Variants in OPN5 observed in about 807,000 individuals in gnomAD.
OPN5 encodes the protein opsin-5.
A neutral mutation model predicts 41.7 loss-of-function variants in OPN5; 18 were observed. The ratio of observed to expected loss-of-function variants is 0.43; its 90% CI spans 0.30 to 0.64. The LOEUF (loss-of-function observed/expected upper bound fraction) is 0.64, where lower values mean the gene tolerates loss of function less well. Among genes scored for constraint, OPN5 ranks in the 30% least tolerant of loss-of-function variants. OPN5 has a pLI of 0.13. For missense variants in OPN5, 318 were observed against 434.5 expected, an observed-to-expected ratio of 0.73 and a Z score of 2.38; for synonymous variants, 178 against 164.3, an observed-to-expected ratio of 1.08 and a Z score of -0.64.
At chr6:47,816,503 A>C (rs1375381979) in intron 6 of OPN5, among the ~76,000 whole-genome samples, 1 of 152,114 alleles carries the variant, frequency 6.6e-6, no homozygotes, top group Non-Finnish European at 1.5e-5. Context: ...TGGTTTGAGA[A>C]AAGGAAAATT....
intron 6 of OPN5, 100 bp downstream of exon 6, chr6:47,811,831 A>G: frequency 4.2e-6 from 3 of 720,168 alleles, no homozygotes; most frequent in Non-Finnish European, 6.9e-6. Context: ...TTGTCTTTAT[A>G]TTATATTTTT....
At position 47,786,464 on chromosome 6, in the gene OPN5, T is replaced by C. The variant is rs751190768; in HGVS notation, c.131-51T>C. On this transcript the variant is annotated intron_variant, in intron 1 of 6. Transcript: ENST00000371211. ...AGTTGAGAAGTGTTTCATATCTGAG[T>C]GAACTCGAAATCTTAGTTTTAACGA... 9 of 1,550,348 alleles carry C rather than the reference T, an allele frequency of 5.8e-6. No homozygotes were observed. In the East Asian group the frequency reaches 1.6e-4, roughly 27 times the overall value.
At chr6:47,792,420 C>A (rs1050799222) in intron 3 of OPN5, among the ~76,000 whole-genome samples, 2 of 152,180 alleles carry the variant, frequency 1.3e-5, no homozygotes, top group African/African-American at 4.8e-5. Context: ...CCAAAAAGTT[C>A]ACCTCCAAGT....
At position 47,791,982 on chromosome 6, in the gene OPN5, C is replaced by T; in HGVS notation, c.421+10C>T. On this transcript the variant is annotated intron_variant, in intron 3 of 6. Coordinates refer to ENST00000371211, the Ensembl canonical transcript of OPN5. ...TGCTATTTATCTTATGGTAAGTTGG[C>T]AGGTTTCTCATTCCCTGACAGTTAA... The T allele has an allele frequency of 6.2e-7, 1 of 1,606,338 alleles. No individual in the cohort carries two copies. The highest frequency in any genetic ancestry group is 8.5e-7 in the Non-Finnish European group (1 of 1,174,248).
At chr6:47,807,799 C>T (rs1774033255) in intron 4 of OPN5, among the ~76,000 whole-genome samples, 1 of 151,690 alleles carries the variant, frequency 6.6e-6, no homozygotes. Flanking sequence ...TATTTTCCAT[C>T]GAGTTTTTAA....
At chr6:47,795,903 C>T (rs1012724804) in intron 4 of OPN5, among the ~76,000 whole-genome samples, 2 of 152,062 alleles carry the variant, frequency 1.3e-5, no homozygotes, top group Non-Finnish European at 2.9e-5. Flanking sequence ...TTCATTATTT[C>T]AGTAATAAGA....
intron 4 of OPN5, among the ~76,000 whole-genome samples, chr6:47,796,791 A>C (rs1773586035): frequency 6.6e-6 from 1 of 152,192 alleles, no homozygotes; most frequent in South Asian, 2.1e-4. Flanking sequence ...GGAGTTATAC[A>C]AAGATCTCTT....
At chr6:47,813,148 A>T (rs1283688163) in intron 6 of OPN5, among the ~76,000 whole-genome samples, 1 of 152,200 alleles carries the variant, frequency 6.6e-6, no homozygotes, top group Non-Finnish European at 1.5e-5. Flanking sequence ...ATGCCTGCAT[A>T]TCAAAGTCTG....
At chr6:47,802,213 C>A (rs1248939775) in intron 4 of OPN5, among the ~76,000 whole-genome samples, 2 of 152,136 alleles carry the variant, frequency 1.3e-5, no homozygotes, top group Non-Finnish European at 2.9e-5. Flanking sequence ...GATATGGCAT[C>A]TAGGGGCAGG....
chr6:47,804,881 C>T (rs1214829183), intron 4 of OPN5, among the ~76,000 whole-genome samples: 1 of 152,160 alleles, frequency 6.6e-6, no homozygotes, highest in Admixed American at 6.5e-5. Flanking sequence ...CTTTCCTGTT[C>T]CCCAATTGCA....
chr6:47,824,002 G>T (rs1683283562), exon 7 of OPN5: 2 of 1,549,336 alleles, frequency 1.3e-6, no homozygotes, highest in East Asian at 2.4e-5. Context: ...CAAATGTTCT[G>T]GTTGTGAAGA....
downstream of OPN5, chr6:47,826,166 T>C (rs960617443): frequency 2.6e-5 from 4 of 152,158 alleles, no homozygotes; most frequent in African/African-American, 2.4e-5. Flanking sequence ...CCAGCCTCAA[T>C]AGTGATCAAC....
At chr6:47,786,429 C>G in intron 1 of OPN5, 86 bp from the exon 2 acceptor site, 1 of 1,055,684 alleles carries the variant, frequency 9.5e-7, no homozygotes, top group Non-Finnish European at 1.4e-6. Context: ...TCTATGGTGT[C>G]CATTTTTGAA....
chr6:47,791,831 T>G, exon 3 of OPN5: 1 of 1,614,150 alleles, frequency 6.2e-7, no homozygotes, highest in Non-Finnish European at 8.5e-7. Flanking sequence ...CATCATCTCT[T>G]GCTTTTGTCA....
In OPN5 at chr6:47,782,201, G is replaced by A; in HGVS notation, c.130+5G>A. On this transcript the variant is annotated splice_donor_5th_base_variant and intron_variant, in intron 1 of 6. Coordinates refer to ENST00000371211, the Ensembl canonical transcript of OPN5. ...GCTTTTACCTAACAATAATTGGTAA[G>A]CTTCCTTAATTCTTCTGTGCAAAGG... 1 of 1,612,480 alleles carries A rather than the reference G, an allele frequency of 6.2e-7. No homozygotes were observed.
At position 47,815,343 on chromosome 6, in the gene OPN5, A is replaced by G. The variant is rs192975111; in HGVS notation, c.1056+3612A>G. 1.7e-3 allele frequency among the ~76,000 whole-genome samples: 253 copies of G among 152,196 alleles called. 1 individual carries two copies. The highest frequency in any genetic ancestry group is 5.7e-3 in the African/African-American group (235 of 41,538). On this transcript the variant is annotated intron_variant, in intron 6 of 6. Transcript: ENST00000371211. ...CTTTAGCAACCTGAGCCACAAATCT[A>G]CGAATAAAAATGCTTCTCCATTAAG... is the stretch of plus-strand genomic sequence containing the variant.
At chr6:47,798,131 G>A (rs1773634887) in intron 4 of OPN5, among the ~76,000 whole-genome samples, 1 of 151,974 alleles carries the variant, frequency 6.6e-6, no homozygotes, top group South Asian at 2.1e-4. Context: ...TATACTAAAT[G>A]ATATTATAGC....
intron 3 of OPN5, chr6:47,794,944 C>A (rs1029091650): frequency 5.9e-6 from 2 of 340,726 alleles, no homozygotes; most frequent in African/African-American, 4.1e-5. Context: ...TTGTCTTCAG[C>A]ATCCTCTCAT....
chr6:47,802,203 G>A (rs887941058), intron 4 of OPN5, among the ~76,000 whole-genome samples: 27 of 152,134 alleles, frequency 1.8e-4, no homozygotes, highest in Non-Finnish European at 3.7e-4. Context: ...AGAAACTAAT[G>A]ATATGGCATC....
Sources: allele counts gnomAD v4.1 joint callset (sites outside exome capture counted in the v4.1 genomes callset), GRCh38; gene constraint gnomAD v4.1.1; transcripts MANE v1.5; gene names NCBI Gene and HGNC (gene_info 2026-07-23, HGNC 2026-07-21).